TTC9C: variants seen among roughly 807,000 people sequenced by gnomAD.
The protein encoded by TTC9C is tetratricopeptide repeat protein 9C.
Under a neutral mutation model 22.5 loss-of-function variants are expected in TTC9C, and 15 were observed. That is an observed-to-expected ratio of 0.67 (90% CI 0.45 to 1.03). The LOEUF is 1.03. Ranked by LOEUF, TTC9C falls within the 50% of genes least tolerant of loss-of-function variation. The pLI is 0.00. For missense variants in TTC9C, 244 were observed against 214.6 expected, an observed-to-expected ratio of 1.14 and a Z score of -0.86; for synonymous variants, 92 against 86.8, an observed-to-expected ratio of 1.06 and a Z score of -0.33.
intron 1 of TTC9C, 116 bp downstream of exon 1, chr11:62,729,202 T>G: frequency 1.2e-6 from 1 of 869,272 alleles, no homozygotes; most frequent in Non-Finnish European, 1.8e-6. Context: ...CCATTTATTC[T>G]GCCATGAATT....
At chr11:62,735,736 C>T (rs2083904101) in intron 2 of TTC9C, 172 bp downstream of exon 2, 3 of 1,202,608 alleles carry the variant, frequency 2.5e-6, no homozygotes, top group African/African-American at 3.1e-5. Context: ...TTTTTCCACT[C>T]TTGTGTTCTT....
intron 2 of TTC9C, among the ~76,000 whole-genome samples, chr11:62,738,077 A>T (rs1331813306): frequency 6.7e-6 from 1 of 149,760 alleles, no homozygotes; most frequent in Admixed American, 6.6e-5. Context: ...TAAATAAATA[A>T]AAATTAGCAG....
At chr11:62,728,267 C>G, upstream of TTC9C, 1 of 339,068 alleles carries the variant, frequency 2.9e-6, no homozygotes, top group Admixed American at 4.2e-5. Context: ...GGTCACGGCG[C>G]CGGGTGGGCT....
intron 1 of TTC9C, chr11:62,732,967 C>T (rs989384537): frequency 8.0e-5 from 23 of 288,566 alleles, no homozygotes; most frequent in Non-Finnish European, 2.6e-5. Flanking sequence ...TTCTGTATTC[C>T]TCCACTTTTT....
At chr11:62,734,048 C>T (rs1436766444) in intron 1 of TTC9C, among the ~76,000 whole-genome samples, 3 of 151,612 alleles carry the variant, frequency 2.0e-5, no homozygotes, top group African/African-American at 2.4e-5. Context: ...TCTATAATCC[C>T]AGTACATTGG....
At chr11:62,729,305 C>T (rs58505493) in intron 1 of TTC9C, among the ~76,000 whole-genome samples, 1,704 of 152,220 alleles carry the variant, frequency 0.011, 31 homozygotes, top group African/African-American at 0.039. Flanking sequence ...AACACAACCT[C>T]CTCGGCCCCA....
At chr11:62,733,415 C>A (rs541765784) in intron 1 of TTC9C, among the ~76,000 whole-genome samples, 1 of 147,530 alleles carries the variant, frequency 6.8e-6, no homozygotes, top group East Asian at 2.0e-4. Context: ...AGTGTAGATG[C>A]GAAGATTAAA....
intron 2 of TTC9C, chr11:62,735,871 ATATATG>A (rs932583960): frequency 7.4e-5 from 13 of 174,766 alleles, no homozygotes; most frequent in Admixed American, 1.7e-4. Flanking sequence ...TAATATATAA[ATATATG>A]TATATCAACG....
intron 1 of TTC9C, chr11:62,732,967 C>A: frequency 1.0e-5 from 3 of 288,672 alleles, no homozygotes; most frequent in Non-Finnish European, 6.5e-6. Context: ...TTCTGTATTC[C>A]TCCACTTTTT....
rs373128573 is a variant in TTC9C, at chr11:62,730,178, C to T, written c.238+1092C>T. Among the ~76,000 whole-genome samples the T allele has an allele frequency of 1.6e-3, 242 of 152,042 alleles. No homozygotes were observed. In the Middle Eastern group the frequency reaches 0.024, roughly 15 times the overall value. On this transcript the variant is annotated intron_variant, in intron 1 of 2. Transcript: ENST00000316461. Reference sequence around the variant, plus strand: ...GCAACCTCCTCCTCCCGGGTTCAGGCGATTCTCCTGCCTGAGCCTCTGGAA... The same window carrying T: ...GCAACCTCCTCCTCCCGGGTTCAGGTGATTCTCCTGCCTGAGCCTCTGGAA...
At chr11:62,735,760 A>T in intron 2 of TTC9C, 196 bp downstream of exon 2, 1 of 1,003,818 alleles carries the variant, frequency 1.0e-6, no homozygotes, top group Non-Finnish European at 1.4e-6. Flanking sequence ...TCCACAGAAA[A>T]GCAGTATTAT....
chr11:62,729,469 G>A (rs1029011817), intron 1 of TTC9C, among the ~76,000 whole-genome samples: 2 of 151,536 alleles, frequency 1.3e-5, no homozygotes, highest in Non-Finnish European at 2.9e-5. Context: ...CGCGGTCTGG[G>A]CTCACTGCAG....
chr11:62,735,618 A>G lies in TTC9C; in HGVS notation c.421+54A>G, dbSNP rs897962734. 5 of 1,535,180 alleles carry G rather than the reference A, an allele frequency of 3.3e-6. No homozygotes were observed. The African/African-American group carries it at 6.9e-5, about 21-fold the overall frequency. On this transcript the variant is annotated intron_variant, in intron 2 of 2. Transcript: ENST00000316461. ...AGACAAAATTGTCTTGCTGGGGTGG[A>G]TCTGTGGAAAGGGGGTTTTATTTTA...
In TTC9C at chr11:62,735,538, T is replaced by A; in HGVS notation, c.395T>A (p.Leu132Gln). The A allele has an allele frequency of 6.2e-7, 1 of 1,613,652 alleles. No individual in the cohort carries two copies. Among genetic ancestry groups the A allele is most frequent in the Middle Eastern group, 1.7e-4 (1 of 6,058 alleles). Residue 132 changes from leucine (L) to glutamine (Q), a missense_variant, in exon 2 of 3, where the codon CTG (leucine) becomes CAG (glutamine). Leu to Gln is a moderately radical substitution (Grantham distance 113). Transcript: ENST00000316461. ...QDYDQARHYL[L>Q]AAVNRQPKDA... ...TATGACCAGGCCCGCCACTACCTCC[T>A]GGCTGCCGTGAATAGGCAGCCTAAA...
intron 1 of TTC9C, among the ~76,000 whole-genome samples, chr11:62,734,793 AAATT>A (rs1163181772): frequency 6.6e-6 from 1 of 152,116 alleles, no homozygotes; most frequent in Non-Finnish European, 1.5e-5. Flanking sequence ...AGTTTTAAAT[AAATT>A]TTAAAGTATG....
rs768514248 is a variant in TTC9C at position 62,729,130 on chromosome 11, A to G, written c.238+44A>G. Reference sequence around the variant, plus strand: ...GGTGGCTAGAGAGCATTAAGACAGGAACATGAACATCTGTGAACATTGGGG... The same window carrying G: ...GGTGGCTAGAGAGCATTAAGACAGGGACATGAACATCTGTGAACATTGGGG... On this transcript the variant is annotated intron_variant, in intron 1 of 2. Coordinates refer to ENST00000316461, the MANE Select transcript of TTC9C (RefSeq NM_173810.4). 1.4e-5 allele frequency: 21 copies of G among 1,549,034 alleles called. No homozygotes were observed. In the Middle Eastern group the frequency reaches 8.5e-4, roughly 63 times the overall value.
chr11:62,729,183 T>C (rs1344019615), intron 1 of TTC9C, 97 bp downstream of exon 1: 7 of 969,916 alleles, frequency 7.2e-6, no homozygotes, highest in Non-Finnish European at 1.1e-5. Context: ...TTTTTTTTTT[T>C]ACTGTCATCC....
At chr11:62,738,131 T>C (rs2083932462) in intron 2 of TTC9C, among the ~76,000 whole-genome samples, 157 bp from the exon 3 acceptor site, 2 of 152,116 alleles carry the variant, frequency 1.3e-5, no homozygotes, top group African/African-American at 4.8e-5. Context: ...TGTTATTAAT[T>C]AATGAGATTT....
At chr11:62,736,618 T>G (rs2083915745) in intron 2 of TTC9C, among the ~76,000 whole-genome samples, 1 of 149,648 alleles carries the variant, frequency 6.7e-6, no homozygotes, top group Non-Finnish European at 1.5e-5. Flanking sequence ...GGCATGAACT[T>G]GGGAGGCGGA....
Sources: allele counts gnomAD v4.1 joint callset (sites outside exome capture counted in the v4.1 genomes callset), GRCh38; gene constraint gnomAD v4.1.1; transcripts MANE v1.5; gene names NCBI Gene and HGNC (gene_info 2026-07-23, HGNC 2026-07-21).